The following CABIN1 variants were observed in gnomAD, a reference collection of about 807,000 sequenced individuals.
CABIN1 encodes the protein calcineurin binding protein 1.
A neutral mutation model predicts 227.7 loss-of-function variants in CABIN1; 133 were observed. That is an observed-to-expected ratio of 0.58 (90% CI 0.51 to 0.67). CABIN1 has a LOEUF of 0.67. Ranked by LOEUF, CABIN1 falls within the 30% of genes least tolerant of loss-of-function variation. CABIN1 has a pLI of 0.00. For missense variants in CABIN1, 2,408 were observed against 2,852.5 expected (o/e 0.84, Z 3.55); for synonymous variants, 1,086 against 1,155.1 (o/e 0.94, Z 1.21).
intron 3 of CABIN1, 99 bp downstream of exon 3, chr22:24,036,280 G>T: frequency 1.1e-6 from 1 of 869,984 alleles, no homozygotes; most frequent in South Asian, 1.3e-5. Flanking sequence ...TGGGGCTTTA[G>T]GGGGAAATTC....
At chr22:24,097,903 A>T in intron 25 of CABIN1, 111 bp from the exon 26 acceptor site, 1 of 1,373,672 alleles carries the variant, frequency 7.3e-7, no homozygotes. Flanking sequence ...GGGCCACCAG[A>T]GGTGCATGGG....
chr22:24,159,617 G>T (rs2046034619), intron 29 of CABIN1, among the ~76,000 whole-genome samples: 1 of 152,146 alleles, frequency 6.6e-6, no homozygotes, highest in South Asian at 2.1e-4. Context: ...TCCCTCTTCT[G>T]CCCTCTTGCT....
intron 34 of CABIN1, among the ~76,000 whole-genome samples, chr22:24,173,679 C>A (rs991916568): frequency 6.6e-6 from 1 of 152,258 alleles, no homozygotes; most frequent in Admixed American, 6.5e-5. Flanking sequence ...ACTAAAAATA[C>A]AAAAATTAGC....
At position 24,084,989 on chromosome 22, in the gene CABIN1, T is replaced by C. The variant is rs780333982; in HGVS notation, c.3118-17T>C. On this transcript the variant is annotated splice_polypyrimidine_tract_variant and intron_variant, in intron 21 of 36. Transcript: ENST00000263119. ...CTTGACTCCACCTCCCCTCATACTT[T>C]TCCTCTCACCTGCCAGGTACCCTGC... The C allele has an allele frequency of 9.9e-6, 16 of 1,614,122 alleles. No individual in the cohort carries two copies. Among genetic ancestry groups the C allele is most frequent in the Middle Eastern group, 1.6e-4 (1 of 6,084 alleles).
At chr22:24,143,105 C>T (rs779114168) in intron 29 of CABIN1, among the ~76,000 whole-genome samples, 4 of 152,192 alleles carry the variant, frequency 2.6e-5, no homozygotes, top group African/African-American at 9.7e-5. Flanking sequence ...AGTAAAGTGA[C>T]TTGGCCATGG....
chr22:24,165,634 A>G lies in CABIN1; in HGVS notation c.5007+8A>G, dbSNP rs2046401107. Reference sequence around the variant, plus strand: ...CTGAGCGAGCTCGCAGAGGTATGCCACCTGTGTCCTCCTCTCCTCCACGGC... The same window carrying G: ...CTGAGCGAGCTCGCAGAGGTATGCCGCCTGTGTCCTCCTCTCCTCCACGGC... On this transcript the variant is annotated splice_region_variant and intron_variant, in intron 31 of 36. Coordinates refer to ENST00000263119, the MANE Select transcript of CABIN1 (RefSeq NM_012295.4). 3 of 1,609,114 alleles carry G rather than the reference A, an allele frequency of 1.9e-6. No homozygotes were observed. The highest frequency in any genetic ancestry group is 1.7e-6 in the Non-Finnish European group (2 of 1,177,718).
At chr22:24,075,743 C>G (rs1373095901) in intron 18 of CABIN1, among the ~76,000 whole-genome samples, 1 of 151,402 alleles carries the variant, frequency 6.6e-6, no homozygotes, top group Non-Finnish European at 1.5e-5. Flanking sequence ...GACCCTATCT[C>G]TTAAAAAAAA....
intron 35 of CABIN1, among the ~76,000 whole-genome samples, chr22:24,176,725 G>A (rs912093586): frequency 2.6e-5 from 4 of 152,168 alleles, no homozygotes; most frequent in Admixed American, 1.3e-4. Flanking sequence ...CGTCCCCGTC[G>A]ACAGCCACGT....
At chr22:24,120,883 CA>C (rs2043371157) in intron 28 of CABIN1, among the ~76,000 whole-genome samples, 1 of 152,152 alleles carries the variant, frequency 6.6e-6, no homozygotes, top group African/African-American at 2.4e-5. Flanking sequence ...AACAATACCA[CA>C]GAGAAAATAA....
intron 28 of CABIN1, among the ~76,000 whole-genome samples, 165 bp downstream of exon 28, chr22:24,119,863 C>T (rs2043299567): frequency 6.6e-6 from 1 of 152,228 alleles, no homozygotes; most frequent in Non-Finnish European, 1.5e-5. Context: ...AGGAGTGGGC[C>T]AGCTTGCCAG....
In CABIN1 at chr22:24,036,274, G is replaced by A. The variant is rs954911973; in HGVS notation, c.96+93G>A. On this transcript the variant is annotated intron_variant, in intron 3 of 36. Transcript: ENST00000263119. ...TACATTTAGGCATCTCCTCAGTGGG[G>A]CTTTAGGGGGAAATTCCATTTTGAA... 6.6e-5 allele frequency: 59 copies of A among 892,266 alleles called. No individual in the cohort carries two copies. In the African/African-American group the frequency reaches 8.7e-4, roughly 13 times the overall value. 55.3% of individuals were successfully genotyped at this position (892,266 alleles called of 1,614,324 possible). A position where few individuals can be genotyped will look rare whatever the true frequency, so the allele number is the denominator to read the frequency against.
intron 26 of CABIN1, 95 bp downstream of exon 26, chr22:24,098,287 G>A: frequency 6.4e-7 from 1 of 1,573,164 alleles, no homozygotes; most frequent in Non-Finnish European, 8.7e-7. Context: ...GTTTTGGTGA[G>A]GGGGGGTGCT....
At chr22:24,170,190 G>T in intron 33 of CABIN1, 1 of 456,368 alleles carries the variant, frequency 2.2e-6, no homozygotes. Context: ...TCCTACCTAG[G>T]ATTCTTACCC....
intron 26 of CABIN1, among the ~76,000 whole-genome samples, chr22:24,111,756 T>C (rs2042819795): frequency 6.6e-6 from 1 of 152,242 alleles, no homozygotes; most frequent in Non-Finnish European, 1.5e-5. Context: ...TTTGCATCAT[T>C]GTAAAGTCAA....
At chr22:24,025,694 A>T (rs2036035702) in intron 1 of CABIN1, among the ~76,000 whole-genome samples, 1 of 152,196 alleles carries the variant, frequency 6.6e-6, no homozygotes, top group South Asian at 2.1e-4. Flanking sequence ...GCTTTGTTTG[A>T]GACAGGCTCT....
intron 18 of CABIN1, among the ~76,000 whole-genome samples, chr22:24,075,308 G>C (rs893348069): frequency 6.6e-6 from 1 of 152,206 alleles, no homozygotes; most frequent in Non-Finnish European, 1.5e-5. Flanking sequence ...GTTATAAGTC[G>C]TTAATGGGTT....
In CABIN1 at chr22:24,152,383, G is replaced by A. The variant is rs150677779; in HGVS notation, c.4747-12017G>A. The stretch of plus-strand genomic sequence containing the variant: ...ACAGGATGGTTTTTGGGGGTCTGTG[G>A]GTCTAGGGAGGAGAAACGCACTTCA... On this transcript the variant is annotated intron_variant, in intron 29 of 36. Transcript: ENST00000263119. Among the ~76,000 whole-genome samples the A allele has an allele frequency of 2.2e-3, 335 of 152,298 alleles. 5 individuals are homozygous for A. Among genetic ancestry groups the A allele is most frequent in the Middle Eastern group, 0.01 (3 of 294 alleles).
intron 29 of CABIN1, among the ~76,000 whole-genome samples, chr22:24,136,534 T>TTTTTTTTTTTTTTTA: frequency 7.0e-6 from 1 of 142,300 alleles, no homozygotes; most frequent in Admixed American, 6.9e-5. Flanking sequence ...ATTTTTTTTT[T>TTTTTTTTTTTTTTTA]TTTTTTTTTT....
At chr22:24,014,318 A>G (rs1249490242) in intron 1 of CABIN1, among the ~76,000 whole-genome samples, 1 of 152,216 alleles carries the variant, frequency 6.6e-6, no homozygotes, top group African/African-American at 2.4e-5. Flanking sequence ...TCTATGAGTT[A>G]AAATTCATTA....
Sources: gnomAD v4.1 joint callset for allele counts (sites outside exome capture counted in the v4.1 genomes callset) on GRCh38, gnomAD v4.1.1 for gene constraint, MANE v1.5 for transcripts, NCBI Gene and HGNC (gene_info 2026-07-23, HGNC 2026-07-21) for gene names.